Variants in ACOXL observed in about 807,000 individuals in gnomAD.
The protein encoded by ACOXL is acyl-CoA oxidase like.
ACOXL carries 70 observed loss-of-function variants against 71.9 expected under a neutral mutation model. The observed-to-expected ratio is 0.97, with a 90% CI of 0.80 to 1.19. The LOEUF is 1.19. ACOXL is among the 50% of genes most tolerant of loss of function. The pLI, the probability that ACOXL is intolerant of heterozygous loss-of-function variation, is 0.00. For missense variants in ACOXL, 703 were observed against 736.3 expected (o/e 0.95, Z 0.52); for synonymous variants, 253 against 281.6 (o/e 0.90, Z 1.02).
chr2:111,068,905 C>T lies in ACOXL; in HGVS notation c.1440+19617C>T, dbSNP rs114440529. Among the ~76,000 whole-genome samples, 257 of 152,310 alleles carry T rather than the reference C, an allele frequency of 1.7e-3. 1 individual carries two copies. The highest frequency in any genetic ancestry group is 6.0e-3 in the African/African-American group (249 of 41,562). On this transcript the variant is annotated intron_variant, in intron 16 of 17. Coordinates refer to ENST00000439055, the MANE Select transcript of ACOXL (RefSeq NM_001142807.4). Reference sequence around the variant, plus strand: ...GGATAGAATGGTGGATGAATACATACATACATACGTGTATAAATGGCTGTG... The same window carrying T: ...GGATAGAATGGTGGATGAATACATATATACATACGTGTATAAATGGCTGTG...
At chr2:110,937,291 C>T (rs1191697719) in intron 12 of ACOXL, among the ~76,000 whole-genome samples, 1 of 152,150 alleles carries the variant, frequency 6.6e-6, no homozygotes, top group Non-Finnish European at 1.5e-5. Context: ...AAAGATGCTC[C>T]AGCACCCAGG....
At chr2:110,856,754 C>T (rs900651957) in intron 10 of ACOXL, among the ~76,000 whole-genome samples, 1 of 152,214 alleles carries the variant, frequency 6.6e-6, no homozygotes, top group Non-Finnish European at 1.5e-5. Flanking sequence ...GTTCAGTACT[C>T]TCCCTGGTTT....
rs192335068 is a variant in ACOXL, at chr2:110,840,251, G to A, written c.754-1120G>A. Among the ~76,000 whole-genome samples the A allele has an allele frequency of 3.6e-4, 55 of 152,208 alleles. 1 individual carries two copies. In the South Asian group the frequency reaches 0.011, roughly 29 times the overall value. ...TGAATGGGCTAGTGAAACTTACATA[G>A]GCATGTTTGACCTGGTCATCACTTG... On this transcript the variant is annotated intron_variant, in intron 9 of 17. Transcript: ENST00000439055.
At chr2:110,963,758 T>C in intron 12 of ACOXL, 1 of 1,607,756 alleles carries the variant, frequency 6.2e-7, no homozygotes, top group East Asian at 2.2e-5. Context: ...TATCCAGAAG[T>C]CTGAAGTGTT....
At chr2:110,791,142 C>G (rs921834383) in intron 3 of ACOXL, among the ~76,000 whole-genome samples, 1 of 152,238 alleles carries the variant, frequency 6.6e-6, no homozygotes, top group Non-Finnish European at 1.5e-5. Flanking sequence ...GGATTAGCTG[C>G]CCTTCAGAGA....
At chr2:111,017,669 C>A (rs2064525042) in intron 14 of ACOXL, among the ~76,000 whole-genome samples, 1 of 152,202 alleles carries the variant, frequency 6.6e-6, no homozygotes, top group Admixed American at 6.5e-5. Context: ...TCCAGCCTGC[C>A]TGCTTGCCAG....
chr2:110,957,957 G>T (rs989314146), intron 12 of ACOXL, among the ~76,000 whole-genome samples: 2 of 151,556 alleles, frequency 1.3e-5, no homozygotes, highest in Non-Finnish European at 2.9e-5. Context: ...TACTCTGGAG[G>T]CTGAGGCAGG....
intron 10 of ACOXL, among the ~76,000 whole-genome samples, chr2:110,870,772 A>G (rs1424676468): frequency 6.6e-6 from 1 of 152,108 alleles, no homozygotes; most frequent in Non-Finnish European, 1.5e-5. Context: ...GTAATTTCTG[A>G]TCAAAATCAG....
chr2:110,814,622 G>T (rs972019433), intron 9 of ACOXL, among the ~76,000 whole-genome samples: 1 of 152,114 alleles, frequency 6.6e-6, no homozygotes. Flanking sequence ...AATATTTGTG[G>T]GTTATAACTT....
intron 17 of ACOXL, among the ~76,000 whole-genome samples, chr2:111,107,851 G>A (rs1005702546): frequency 2.6e-5 from 4 of 152,198 alleles, no homozygotes; most frequent in Admixed American, 6.5e-5. Flanking sequence ...TTCTGAGTTC[G>A]TTTGGGCCCA....
chr2:110,798,513 C>A (rs1209193322), intron 5 of ACOXL, 97 bp from the exon 6 acceptor site: 1 of 980,290 alleles, frequency 1.0e-6, no homozygotes, highest in Non-Finnish European at 1.6e-6. Flanking sequence ...ACCTCGGCCC[C>A]CCAAAGTGCT....
chr2:111,115,075 G>C (rs1472970942), intron 17 of ACOXL, among the ~76,000 whole-genome samples: 2 of 152,112 alleles, frequency 1.3e-5, no homozygotes, highest in Admixed American at 6.5e-5. Context: ...CCTATAACTT[G>C]TTCATACTTT....
rs552942329 is a variant in ACOXL, at chr2:110,749,546, C to T, written c.-23+16772C>T. ...TTCGAGAGCAGCTTGGCCAACATGGCGAAACCCTGTCTCTACTAAAAATAC... is the reference window on the plus strand; with the variant it reads ...TTCGAGAGCAGCTTGGCCAACATGGTGAAACCCTGTCTCTACTAAAAATAC... On this transcript the variant is annotated intron_variant, in intron 1 of 17. Transcript: ENST00000439055. 1.1e-4 allele frequency among the ~76,000 whole-genome samples: 17 copies of T among 152,158 alleles called. No homozygotes were observed. The South Asian group carries it at 1.2e-3, about 11-fold the overall frequency.
At chr2:111,058,078 G>A (rs1306603719) in intron 16 of ACOXL, among the ~76,000 whole-genome samples, 1 of 152,186 alleles carries the variant, frequency 6.6e-6, no homozygotes, top group African/African-American at 2.4e-5. Flanking sequence ...TAGAAGACAG[G>A]ACAGCAGGAG....
At chr2:111,093,344 G>A (rs2068637928) in intron 17 of ACOXL, 1 of 957,210 alleles carries the variant, frequency 1.0e-6, no homozygotes, top group South Asian at 1.9e-5. Context: ...TGGTAGCCAT[G>A]GGGAATTCAA....
intron 10 of ACOXL, among the ~76,000 whole-genome samples, chr2:110,892,170 C>T (rs1697996519): frequency 6.6e-6 from 1 of 152,080 alleles, no homozygotes; most frequent in Admixed American, 6.6e-5. Flanking sequence ...TGCAAGGATA[C>T]ATCAATACCA....
intron 16 of ACOXL, among the ~76,000 whole-genome samples, chr2:111,089,170 T>G (rs2068384256): frequency 1.3e-5 from 2 of 152,020 alleles, no homozygotes; most frequent in Non-Finnish European, 1.5e-5. Context: ...CATGGTGGCG[T>G]GAGCATGTAG....
chr2:110,861,728 G>A (rs1404322447), intron 10 of ACOXL, among the ~76,000 whole-genome samples: 1 of 152,306 alleles, frequency 6.6e-6, no homozygotes, highest in East Asian at 1.9e-4. Flanking sequence ...TTGTCACTAC[G>A]TAATGTCTGA....
intron 15 of ACOXL, among the ~76,000 whole-genome samples, chr2:111,046,186 T>C (rs1407160368): frequency 6.6e-6 from 1 of 152,212 alleles, no homozygotes; most frequent in Admixed American, 6.5e-5. Context: ...CCAGCACCGT[T>C]TCTTTACACA....
Sources: gnomAD v4.1 joint callset for allele counts (sites outside exome capture counted in the v4.1 genomes callset) on GRCh38, gnomAD v4.1.1 for gene constraint, MANE v1.5 for transcripts, NCBI Gene and HGNC (gene_info 2026-07-23, HGNC 2026-07-21) for gene names.